FRMD6: variants seen among roughly 807,000 people sequenced by gnomAD.
The protein encoded by FRMD6 is FERM domain-containing protein 6.
A neutral mutation model predicts 73.2 loss-of-function variants in FRMD6; 37 were observed. That is an observed-to-expected ratio of 0.51 (90% CI 0.39 to 0.66). The LOEUF is 0.66. FRMD6 is among the 30% of genes least tolerant of loss of function. FRMD6 has a pLI of 0.00. For synonymous variants in FRMD6, 273 were observed against 282.2 expected (o/e 0.97, Z 0.33); for missense variants, 714 against 780.5 (o/e 0.91, Z 1.02).
chr14:51,660,558 T>C (rs1385149101), intron 1 of FRMD6, among the ~76,000 whole-genome samples: 1 of 148,512 alleles, frequency 6.7e-6, no homozygotes, highest in African/African-American at 2.5e-5. Flanking sequence ...AATGTATGCC[T>C]AGGATATGCC....
intron 2 of FRMD6, chr14:51,637,248 CA>C (rs990904955): frequency 1.4e-4 from 22 of 152,178 alleles, no homozygotes; most frequent in Middle Eastern, 3.4e-3. Context: ...CTGCATTTCA[CA>C]TTTAAAAAAT....
At chr14:51,661,177 T>C (rs984533970) in intron 1 of FRMD6, among the ~76,000 whole-genome samples, 1 of 152,168 alleles carries the variant, frequency 6.6e-6, no homozygotes, top group African/African-American at 2.4e-5. Context: ...AAGTTGGAGA[T>C]ACAAATTTGG....
At chr14:51,471,739 A>G in the FRMD6 span, among the ~76,000 whole-genome samples, 1 of 152,232 alleles carries the variant, frequency 6.6e-6, no homozygotes, top group Non-Finnish European at 1.5e-5. Flanking sequence ...TAGATAAATG[A>G]CAAGAGTCCA....
the FRMD6 span, among the ~76,000 whole-genome samples, chr14:51,402,141 A>G: frequency 0.31 from 46,796 of 152,122 alleles, 7,697 homozygotes; most frequent in African/African-American, 0.42. Context: ...AATTCTGTTC[A>G]TATAAAAAGG....
intron 1 of FRMD6, among the ~76,000 whole-genome samples, chr14:51,498,911 A>G (rs17576849): frequency 0.13 from 19,274 of 152,226 alleles, 1,543 homozygotes; most frequent in South Asian, 0.27. Flanking sequence ...ACTTTTTAGC[A>G]CAGTCCTACT....
intron 2 of FRMD6, among the ~76,000 whole-genome samples, chr14:51,641,784 G>T (rs1465753403): frequency 2.0e-5 from 3 of 152,148 alleles, no homozygotes; most frequent in Non-Finnish European, 4.4e-5. Context: ...TCTGTCCCCT[G>T]TGTTGTAGGA....
rs576760794 is a variant in FRMD6 at position 51,710,642 on chromosome 14, A to G, written c.715-889A>G. ...GCCAGGTGAGGACACATGTTTTAAA[A>G]ATATTTCATCCCATGTTCATGGGAA... On this transcript the variant is annotated intron_variant, in intron 7 of 13. Coordinates refer to ENST00000344768, the MANE Select transcript of FRMD6 (RefSeq NM_001267046.2). Among the ~76,000 whole-genome samples, 8 of 152,294 alleles carry G rather than the reference A, an allele frequency of 5.3e-5. No individual in the cohort carries two copies. The South Asian group carries it at 1.7e-3, about 32-fold the overall frequency.
chr14:51,580,615 A>G (rs1421151408), intron 2 of FRMD6, among the ~76,000 whole-genome samples: 2 of 152,136 alleles, frequency 1.3e-5, no homozygotes, highest in Non-Finnish European at 2.9e-5. Context: ...GTACCCTTTG[A>G]TTTTTGAGAG....
intron 2 of FRMD6, among the ~76,000 whole-genome samples, chr14:51,644,932 T>C (rs1045955341): frequency 3.3e-5 from 5 of 152,230 alleles, no homozygotes; most frequent in Non-Finnish European, 7.3e-5. Context: ...TACTTTCTTT[T>C]CTCCATACAT....
At chr14:51,647,391 T>A (rs74787377), upstream of FRMD6, among the ~76,000 whole-genome samples, 181 of 152,320 alleles carry the variant, frequency 1.2e-3, 4 homozygotes, top group East Asian at 0.033. Context: ...TTTCCTGACT[T>A]TTCTTAAGCA....
chr14:51,478,299 A>G, the FRMD6 span, among the ~76,000 whole-genome samples: 1 of 152,218 alleles, frequency 6.6e-6, no homozygotes, highest in Non-Finnish European at 1.5e-5. Flanking sequence ...GATATATTAT[A>G]TGCATTTTTT....
intron 1 of FRMD6, among the ~76,000 whole-genome samples, chr14:51,657,844 A>G (rs926109887): frequency 3.9e-5 from 6 of 152,220 alleles, no homozygotes; most frequent in Admixed American, 2.0e-4. Context: ...CCAGATTTCA[A>G]TTGAGAATTG....
intron 2 of FRMD6, among the ~76,000 whole-genome samples, chr14:51,620,997 A>G (rs980413443): frequency 6.6e-6 from 1 of 152,216 alleles, no homozygotes; most frequent in African/African-American, 2.4e-5. Flanking sequence ...GAGTTTGCTG[A>G]TAGAATCAAC....
upstream of FRMD6, among the ~76,000 whole-genome samples, chr14:51,647,016 C>T (rs1267794107): frequency 3.9e-5 from 6 of 152,068 alleles, no homozygotes; most frequent in Non-Finnish European, 8.8e-5. Context: ...TATTCAAGCC[C>T]TCAAGGAATG....
In FRMD6 at chr14:51,511,092, C is replaced by A. The variant is rs146363300; in HGVS notation, c.-210+21672C>A. Reference sequence around the variant, plus strand: ...CCCCAAGTCTCTCTAAGTAGTCCCACTGCTTTCTAGCCTACTCCCCAGTGG... The same window carrying A: ...CCCCAAGTCTCTCTAAGTAGTCCCAATGCTTTCTAGCCTACTCCCCAGTGG... On this transcript the variant is annotated intron_variant, in intron 1 of 14. Transcript: ENST00000356218. Among the ~76,000 whole-genome samples the A allele has an allele frequency of 1.5e-3, 223 of 152,224 alleles. 1 individual carries two copies. The highest frequency in any genetic ancestry group is 4.7e-3 in the African/African-American group (194 of 41,524).
chr14:51,433,643 G>A, the FRMD6 span, among the ~76,000 whole-genome samples: 1 of 152,222 alleles, frequency 6.6e-6, no homozygotes, highest in South Asian at 2.1e-4. Flanking sequence ...TAAGCCAGGA[G>A]TAACGAGATT....
At chr14:51,471,170 A>G in the FRMD6 span, among the ~76,000 whole-genome samples, 1 of 152,142 alleles carries the variant, frequency 6.6e-6, no homozygotes, top group Non-Finnish European at 1.5e-5. Flanking sequence ...GGGAACTGTT[A>G]TTAGATGCAT....
chr14:51,715,432 C>G lies in FRMD6; in HGVS notation c.957C>G (p.Asn319Lys). 1 of 1,613,956 alleles carries G rather than the reference C, an allele frequency of 6.2e-7. No individual in the cohort carries two copies. Among genetic ancestry groups the G allele is most frequent in the Non-Finnish European group, 8.5e-7 (1 of 1,179,896 alleles). ...RSRHLLQLLS[N>K]SHRLYMNLQP... ...GACACCTCCTGCAACTTCTGAGCAA[C>G]AGCCACCGCCTCTATATGAATCTGC... Residue 319 changes from asparagine to lysine, a missense_variant, in exon 10 of 14, where the codon AAC (asparagine) becomes AAG (lysine). Asn to Lys is a moderately conservative substitution (Grantham distance 94). Coordinates refer to ENST00000344768, the MANE Select transcript of FRMD6 (RefSeq NM_001267046.2).
At chr14:51,530,809 A>T (rs556918679) in intron 1 of FRMD6, among the ~76,000 whole-genome samples, 1 of 152,290 alleles carries the variant, frequency 6.6e-6, no homozygotes, top group South Asian at 2.1e-4. Flanking sequence ...TTAATTAGAA[A>T]AGGACAAACA....
Sources: gnomAD v4.1 joint callset for allele counts (sites outside exome capture counted in the v4.1 genomes callset) on GRCh38, gnomAD v4.1.1 for gene constraint, MANE v1.5 for transcripts, NCBI Gene and HGNC (gene_info 2026-07-23, HGNC 2026-07-21) for gene names.